The following GALNTL6 variants were observed in gnomAD, a reference collection of about 807,000 sequenced individuals.
GALNTL6 encodes the protein polypeptide N-acetylgalactosaminyltransferase-like 6.
In GALNTL6, 46 loss-of-function variants were observed where a neutral mutation model predicts 73.7. That is an observed-to-expected ratio of 0.62 (90% CI 0.49 to 0.80). GALNTL6 has a LOEUF of 0.80. GALNTL6 is among the 30% of genes least tolerant of loss of function. GALNTL6 has a pLI of 0.00. For missense variants in GALNTL6, 604 were observed against 755.0 expected, an observed-to-expected ratio of 0.80 and a Z score of 2.34; for synonymous variants, 259 against 263.7, an observed-to-expected ratio of 0.98 and a Z score of 0.17.
At chr4:172,028,411 C>G (rs530651711) in intron 2 of GALNTL6, among the ~76,000 whole-genome samples, 3 of 151,870 alleles carry the variant, frequency 2.0e-5, no homozygotes, top group Non-Finnish European at 4.4e-5. Flanking sequence ...AATTGATTGT[C>G]TGGAATCTGA....
At chr4:172,719,944 A>G (rs1373749041) in intron 5 of GALNTL6, among the ~76,000 whole-genome samples, 1 of 152,146 alleles carries the variant, frequency 6.6e-6, no homozygotes, top group Non-Finnish European at 1.5e-5. Flanking sequence ...TGACGTTGTC[A>G]TGGCATTTGT....
intron 8 of GALNTL6, among the ~76,000 whole-genome samples, chr4:172,922,138 AT>A (rs1187532039): frequency 6.6e-6 from 1 of 151,468 alleles, no homozygotes. Flanking sequence ...CTTCTTCCTC[AT>A]TTTTCTCTTG....
chr4:172,856,550 T>A (rs1744130496), intron 7 of GALNTL6, among the ~76,000 whole-genome samples: 1 of 152,234 alleles, frequency 6.6e-6, no homozygotes, highest in South Asian at 2.1e-4. Context: ...AGGACCATTA[T>A]TGTTTGTTGC....
intron 2 of GALNTL6, among the ~76,000 whole-genome samples, chr4:171,830,226 T>A (rs1366677957): frequency 1.3e-5 from 2 of 152,128 alleles, no homozygotes; most frequent in Non-Finnish European, 2.9e-5. Flanking sequence ...AGGTAGTGCA[T>A]CCCTGCCAAC....
chr4:171,846,548 A>G (rs1299160291), intron 2 of GALNTL6, among the ~76,000 whole-genome samples: 1 of 152,074 alleles, frequency 6.6e-6, no homozygotes, highest in Admixed American at 6.6e-5. Context: ...GTCACTTAAC[A>G]CTTCATTTAT....
In GALNTL6 at chr4:172,741,914, C is replaced by A. The variant is rs190516593; in HGVS notation, c.554-67447C>A. Among the ~76,000 whole-genome samples the A allele has an allele frequency of 2.0e-5, 3 of 151,232 alleles. No individual in the cohort carries two copies. In the East Asian group the frequency reaches 5.8e-4, roughly 29 times the overall value. On this transcript the variant is annotated intron_variant, in intron 5 of 12. Coordinates refer to ENST00000506823, the MANE Select transcript of GALNTL6 (RefSeq NM_001034845.3). ...CAAATCCCACCTGAACACTCTGTAA[C>A]CTAAAGAATGAAGTTTAGCTGACAA...
At chr4:172,344,345 G>A (rs79774834) in intron 4 of GALNTL6, among the ~76,000 whole-genome samples, 2,902 of 152,246 alleles carry the variant, frequency 0.019, 84 homozygotes, top group African/African-American at 0.065. Flanking sequence ...TCCAATGCCT[G>A]AGCTTGGCAG....
intron 6 of GALNTL6, among the ~76,000 whole-genome samples, chr4:172,810,063 C>A (rs1186753941): frequency 6.6e-6 from 1 of 152,072 alleles, no homozygotes; most frequent in Non-Finnish European, 1.5e-5. Flanking sequence ...AATGCCGTTT[C>A]TTTTCTGTTA....
At chr4:172,201,204 G>GTTTGT (rs1560966917) in intron 2 of GALNTL6, among the ~76,000 whole-genome samples, 4 of 147,448 alleles carry the variant, frequency 2.7e-5, no homozygotes, top group African/African-American at 1.0e-4. Flanking sequence ...GTTTGTTATT[G>GTTTGT]TTTGTTTTGT....
intron 2 of GALNTL6, among the ~76,000 whole-genome samples, chr4:171,990,974 A>C (rs575971167): frequency 1.6e-4 from 25 of 152,182 alleles, no homozygotes; most frequent in Non-Finnish European, 3.4e-4. Flanking sequence ...GATTGGAAAA[A>C]AGCATCAGAA....
At chr4:172,163,175 T>C (rs1734524911) in intron 2 of GALNTL6, among the ~76,000 whole-genome samples, 1 of 152,086 alleles carries the variant, frequency 6.6e-6, no homozygotes, top group African/African-American at 2.4e-5. Context: ...CAAATGCATT[T>C]ATAATTTTAT....
chr4:171,856,080 C>G (rs754731343), intron 2 of GALNTL6, among the ~76,000 whole-genome samples: 74 of 152,046 alleles, frequency 4.9e-4, no homozygotes, highest in Non-Finnish European at 9.4e-4. Context: ...ATATATTTCA[C>G]AGAACAGATT....
intron 2 of GALNTL6, among the ~76,000 whole-genome samples, chr4:172,029,615 C>T (rs1051414199): frequency 6.6e-6 from 1 of 152,004 alleles, no homozygotes; most frequent in Non-Finnish European, 1.5e-5. Flanking sequence ...CTAAATAGTA[C>T]ATCACTGTTC....
At chr4:172,609,444 T>A (rs1415847769) in intron 5 of GALNTL6, among the ~76,000 whole-genome samples, 1 of 152,142 alleles carries the variant, frequency 6.6e-6, no homozygotes, top group Non-Finnish European at 1.5e-5. Context: ...TGAATCACAT[T>A]TATTGATTTG....
intron 5 of GALNTL6, among the ~76,000 whole-genome samples, chr4:172,715,007 G>A (rs963416892): frequency 6.6e-6 from 1 of 151,750 alleles, no homozygotes; most frequent in African/African-American, 2.4e-5. Context: ...AAAAAAAGGA[G>A]GAAAACTAAT....
chr4:172,423,552 C>T (rs1428898235), intron 5 of GALNTL6, among the ~76,000 whole-genome samples: 1 of 152,050 alleles, frequency 6.6e-6, no homozygotes, highest in Non-Finnish European at 1.5e-5. Flanking sequence ...AATATTTTCA[C>T]CTCCTCAAAA....
intron 5 of GALNTL6, among the ~76,000 whole-genome samples, chr4:172,639,832 A>G (rs1344673672): frequency 6.6e-6 from 1 of 152,110 alleles, no homozygotes; most frequent in Non-Finnish European, 1.5e-5. Context: ...TTTTAATACC[A>G]TGTATAAAAG....
At chr4:172,157,966 G>A (rs1222133225) in intron 2 of GALNTL6, among the ~76,000 whole-genome samples, 2 of 152,230 alleles carry the variant, frequency 1.3e-5, no homozygotes, top group East Asian at 1.9e-4. Context: ...TTCATGTTGC[G>A]TCCCAACCAC....
intron 2 of GALNTL6, among the ~76,000 whole-genome samples, chr4:171,962,640 C>T (rs535674954): frequency 2.0e-5 from 3 of 152,072 alleles, no homozygotes; most frequent in Non-Finnish European, 2.9e-5. Flanking sequence ...ATGAATAATC[C>T]ACCCCTTGTT....
Sources: gnomAD v4.1 joint callset for allele counts (sites outside exome capture counted in the v4.1 genomes callset) on GRCh38, gnomAD v4.1.1 for gene constraint, MANE v1.5 for transcripts, NCBI Gene and HGNC (gene_info 2026-07-23, HGNC 2026-07-21) for gene names.